Variants in FSTL5 observed in about 807,000 individuals in gnomAD.
The protein encoded by FSTL5 is follistatin like 5.
FSTL5 carries 62 observed loss-of-function variants against 89.1 expected under a neutral mutation model. The ratio of observed to expected loss-of-function variants is 0.70; its 90% confidence interval spans 0.57 to 0.86. The LOEUF (loss-of-function observed/expected upper bound fraction) is 0.86, where lower values mean the gene tolerates loss of function less well. FSTL5 is among the 40% of genes least tolerant of loss of function. The probability of loss-of-function intolerance (pLI) is 0.00; values close to 1 mark genes in which losing one functional copy is unlikely to be tolerated. For missense variants in FSTL5, 1,057 were observed against 1,001.6 expected (o/e 1.06, Z -0.75); for synonymous variants, 383 against 346.2 (o/e 1.11, Z -1.18).
At chr4:162,132,603 TCA>T (rs1732348268) in intron 1 of FSTL5, among the ~76,000 whole-genome samples, 1 of 152,142 alleles carries the variant, frequency 6.6e-6, no homozygotes, top group Non-Finnish European at 1.5e-5. Flanking sequence ...TACCTACATT[TCA>T]CATTGTTCCT....
chr4:161,502,090 T>A (rs1032837066), intron 11 of FSTL5, among the ~76,000 whole-genome samples: 5 of 152,024 alleles, frequency 3.3e-5, no homozygotes, highest in African/African-American at 1.2e-4. Context: ...GCCAAAATAC[T>A]GTTCGAAAAT....
chr4:162,068,930 A>T (rs1026039364), intron 2 of FSTL5, among the ~76,000 whole-genome samples: 2 of 152,128 alleles, frequency 1.3e-5, no homozygotes, highest in African/African-American at 4.8e-5. Flanking sequence ...GTGGCCAACA[A>T]GCATTTGAAA....
rs1553965825 is a variant in FSTL5 at position 161,784,895 on chromosome 4, A to AAAAAAAAAAAAAAAAAAAAAAC, written c.410-8822_410-8821insGTTTTTTTTTTTTTTTTTTTTT. On this transcript the variant is annotated intron_variant, in intron 4 of 15. Coordinates refer to ENST00000306100, the MANE Select transcript of FSTL5 (RefSeq NM_020116.5). ...GCGACAGAGCAAGACTCCGTCTCAA[A>AAAAAAAAAAAAAAAAAAAAAAC]AAAAACAAAAACAAACAAACAAAAA... is the stretch of plus-strand genomic sequence containing the variant. 9.4e-4 allele frequency among the ~76,000 whole-genome samples: 134 copies of AAAAAAAAAAAAAAAAAAAAAAC among 141,934 alleles called. 2 individuals carry two copies. The highest frequency in any genetic ancestry group is 3.0e-3 in the African/African-American group (114 of 37,668). 93.1% of individuals were successfully genotyped at this position (141,934 alleles called of 152,430 possible).
intron 6 of FSTL5, among the ~76,000 whole-genome samples, chr4:161,739,552 T>C (rs1197027282): frequency 2.0e-5 from 3 of 152,186 alleles, no homozygotes; most frequent in Non-Finnish European, 4.4e-5. Context: ...GCACATTTTC[T>C]ACACACTGAA....
At chr4:161,491,212 C>T (rs180775806) in intron 12 of FSTL5, among the ~76,000 whole-genome samples, 52 of 151,842 alleles carry the variant, frequency 3.4e-4, no homozygotes, top group Non-Finnish European at 6.6e-4. Context: ...AAACCTGAGC[C>T]GGTGATTTAG....
chr4:161,843,354 C>A (rs1386486244), intron 4 of FSTL5, among the ~76,000 whole-genome samples: 1 of 152,140 alleles, frequency 6.6e-6, no homozygotes, highest in African/African-American at 2.4e-5. Flanking sequence ...TTACTTCGGG[C>A]AGTATGGCCA....
chr4:161,996,384 C>T (rs116024142), intron 3 of FSTL5, among the ~76,000 whole-genome samples: 5,301 of 152,262 alleles, frequency 0.035, 143 homozygotes, highest in South Asian at 0.065. Flanking sequence ...GAGTCATCTA[C>T]ATCTCTTCCT....
intron 3 of FSTL5, among the ~76,000 whole-genome samples, chr4:161,944,200 C>A (rs1734673600): frequency 6.6e-6 from 1 of 151,980 alleles, no homozygotes; most frequent in Non-Finnish European, 1.5e-5. Flanking sequence ...TTGTTGATAA[C>A]AACATATGCT....
intron 5 of FSTL5, among the ~76,000 whole-genome samples, chr4:161,773,660 C>A (rs1246155077): frequency 1.3e-5 from 2 of 152,010 alleles, no homozygotes; most frequent in East Asian, 3.9e-4. Flanking sequence ...CTTACTCCTG[C>A]AAAAATGGCC....
chr4:161,849,558 CACAT>C (rs375925962), intron 4 of FSTL5, among the ~76,000 whole-genome samples: 2 of 132,686 alleles, frequency 1.5e-5, no homozygotes, highest in Admixed American at 7.8e-5. Flanking sequence ...CACACACACA[CACAT>C]AGAATTCTCA....
chr4:162,072,914 T>C (rs1212799911), intron 2 of FSTL5, among the ~76,000 whole-genome samples: 2 of 151,752 alleles, frequency 1.3e-5, no homozygotes, highest in East Asian at 3.9e-4. Context: ...TTCCCCTGAG[T>C]GAGAGAATTT....
At chr4:161,735,453 C>T (rs1739776904) in intron 6 of FSTL5, among the ~76,000 whole-genome samples, 1 of 152,048 alleles carries the variant, frequency 6.6e-6, no homozygotes, top group Admixed American at 6.6e-5. Flanking sequence ...GAGGCTTTTC[C>T]TTGACAGGTA....
At chr4:162,088,645 A>C (rs1032034114) in intron 2 of FSTL5, among the ~76,000 whole-genome samples, 1 of 152,186 alleles carries the variant, frequency 6.6e-6, no homozygotes, top group African/African-American at 2.4e-5. Flanking sequence ...AGAAGGAAGA[A>C]TTATGATTTA....
At chr4:161,635,441 A>T (rs1158654630) in intron 7 of FSTL5, among the ~76,000 whole-genome samples, 2 of 152,086 alleles carry the variant, frequency 1.3e-5, no homozygotes, top group African/African-American at 4.8e-5. Context: ...ATGTCAATTC[A>T]CTGAAAATTA....
chr4:161,712,002 A>G (rs1738797047), intron 6 of FSTL5, among the ~76,000 whole-genome samples: 1 of 152,210 alleles, frequency 6.6e-6, no homozygotes, highest in Non-Finnish European at 1.5e-5. Flanking sequence ...TCTATGAACA[A>G]CCAACAGCTA....
At chr4:161,445,819 T>C (rs1379462318) in intron 15 of FSTL5, among the ~76,000 whole-genome samples, 1 of 152,028 alleles carries the variant, frequency 6.6e-6, no homozygotes, top group Non-Finnish European at 1.5e-5. Context: ...GAACCATATC[T>C]TAAAGAACTC....
At chr4:162,121,243 T>G (rs1731847702) in intron 1 of FSTL5, among the ~76,000 whole-genome samples, 1 of 144,648 alleles carries the variant, frequency 6.9e-6, no homozygotes, top group African/African-American at 2.5e-5. Context: ...AAACCTTTAC[T>G]AAAACTTAGC....
intron 5 of FSTL5, among the ~76,000 whole-genome samples, chr4:161,765,981 G>A (rs1411721452): frequency 6.6e-6 from 1 of 151,980 alleles, no homozygotes; most frequent in African/African-American, 2.4e-5. Flanking sequence ...TTTTAGTAGA[G>A]ACGGGGTTTC....
intron 4 of FSTL5, among the ~76,000 whole-genome samples, chr4:161,881,202 ATAT>A (rs1211065808): frequency 1.3e-5 from 2 of 148,622 alleles, no homozygotes; most frequent in Admixed American, 6.7e-5. Context: ...CATTTTAATA[ATAT>A]TAATATATTT....
Sources: allele counts gnomAD v4.1 joint callset (sites outside exome capture counted in the v4.1 genomes callset), GRCh38; gene constraint gnomAD v4.1.1; transcripts MANE v1.5; gene names NCBI Gene and HGNC (gene_info 2026-07-23, HGNC 2026-07-21).